Variants in LHFPL6 observed in about 807,000 individuals in gnomAD.
The protein encoded by LHFPL6 is LHFPL tetraspan subfamily member 6 protein.
In LHFPL6, 9 loss-of-function variants were observed where a neutral mutation model predicts 20.6. That is an observed-to-expected ratio of 0.44 (90% CI 0.26 to 0.76). The LOEUF is 0.76. LHFPL6 is among the 30% of genes least tolerant of loss of function. LHFPL6 has a pLI of 0.20. For synonymous variants in LHFPL6, 105 were observed against 98.7 expected, an observed-to-expected ratio of 1.06 and a Z score of -0.38; for missense variants, 218 against 253.5, an observed-to-expected ratio of 0.86 and a Z score of 0.95.
chr13:39,395,589 C>T (rs1048622223), intron 2 of LHFPL6, among the ~76,000 whole-genome samples: 4 of 152,152 alleles, frequency 2.6e-5, no homozygotes, highest in African/African-American at 4.8e-5. Context: ...TCACTCCGGG[C>T]GGGAGGTGCC....
At chr13:39,363,469 C>A (rs536926355) in intron 3 of LHFPL6, among the ~76,000 whole-genome samples, 2 of 152,122 alleles carry the variant, frequency 1.3e-5, no homozygotes, top group Admixed American at 6.5e-5. Context: ...AAAGCAACCA[C>A]GGTCACCAAA....
intron 3 of LHFPL6, among the ~76,000 whole-genome samples, chr13:39,346,934 T>A (rs1293361569): frequency 1.3e-5 from 2 of 151,982 alleles, no homozygotes; most frequent in African/African-American, 4.8e-5. Context: ...GGCCATTACA[T>A]AAGCACACAG....
At chr13:39,375,194 C>T (rs1870255438) in intron 3 of LHFPL6, among the ~76,000 whole-genome samples, 1 of 152,196 alleles carries the variant, frequency 6.6e-6, no homozygotes, top group African/African-American at 2.4e-5. Flanking sequence ...CAAGGTGTGG[C>T]AGAGGCAAGC....
chr13:39,600,124 A>C (rs1566151725), intron 2 of LHFPL6, among the ~76,000 whole-genome samples: 1 of 152,242 alleles, frequency 6.6e-6, no homozygotes, highest in Non-Finnish European at 1.5e-5. Flanking sequence ...CCAAGTAAAA[A>C]TCAAACCTTT....
At chr13:39,573,822 T>C (rs948228346) in intron 2 of LHFPL6, among the ~76,000 whole-genome samples, 1 of 152,214 alleles carries the variant, frequency 6.6e-6, no homozygotes, top group African/African-American at 2.4e-5. Context: ...TAGGAAATAA[T>C]TATAAAACAT....
intron 2 of LHFPL6, among the ~76,000 whole-genome samples, chr13:39,440,961 A>G (rs140564903): frequency 2.0e-5 from 3 of 151,884 alleles, no homozygotes; most frequent in Admixed American, 1.3e-4. Flanking sequence ...TGTGCCTTTT[A>G]CCTTCTGCCA....
intron 2 of LHFPL6, among the ~76,000 whole-genome samples, chr13:39,594,689 T>A (rs1352861331): frequency 6.6e-6 from 1 of 152,224 alleles, no homozygotes; most frequent in African/African-American, 2.4e-5. Flanking sequence ...ACAGCACTAT[T>A]CACAAAAGCA....
chr13:39,428,393 A>T (rs533819441), intron 2 of LHFPL6, among the ~76,000 whole-genome samples: 25 of 152,186 alleles, frequency 1.6e-4, no homozygotes, highest in Non-Finnish European at 3.7e-4. Context: ...TTTAAAATAG[A>T]TATAGAATTA....
rs542256671 is a variant in LHFPL6 at position 39,601,263 on chromosome 13, C to T, written c.-47G>A. On this transcript the variant is annotated 5_prime_UTR_variant, in exon 2 of 4. Coordinates refer to ENST00000379589, the MANE Select transcript of LHFPL6 (RefSeq NM_005780.3). Reference sequence around the variant, plus strand: ...AGGACCCCAAGTAAGTGTTCAGGGACTGCAGGAGTGAATGAAGGTGTGAAA... The same window carrying T: ...AGGACCCCAAGTAAGTGTTCAGGGATTGCAGGAGTGAATGAAGGTGTGAAA... 1.3e-6 allele frequency: 2 copies of T among 1,544,090 alleles called. No homozygotes were observed. The highest frequency in any genetic ancestry group is 4.5e-5 in the East Asian group (2 of 44,260).
rs2138398923 is a variant in LHFPL6 at position 39,424,576 on chromosome 13, A to T, written c.386-46050T>A. Among the ~76,000 whole-genome samples, 4 of 152,228 alleles carry T rather than the reference A, an allele frequency of 2.6e-5. No individual in the cohort carries two copies. In the Middle Eastern group the frequency reaches 0.014, roughly 518 times the overall value. Reference sequence around the variant, plus strand: ...AAGTGGAGCTACAGAAAAATTTATCACCTGTTTATGTGCCAGTCCACAGTC... The same window carrying T: ...AAGTGGAGCTACAGAAAAATTTATCTCCTGTTTATGTGCCAGTCCACAGTC... On this transcript the variant is annotated intron_variant, in intron 2 of 3. Transcript: ENST00000379589.
rs574769258 is a variant in LHFPL6 at position 39,511,321 on chromosome 13, C to T, written c.385+89511G>A. 2.0e-5 allele frequency among the ~76,000 whole-genome samples: 3 copies of T among 152,196 alleles called. No homozygotes were observed. The South Asian group carries it at 6.2e-4, about 32-fold the overall frequency. ...TTTCTTAAAGTAATACAATATTATA[C>T]ATACAGTCATTTTTGGCTAAAAAAT... is the stretch of plus-strand genomic sequence containing the variant. On this transcript the variant is annotated intron_variant, in intron 2 of 3. Transcript: ENST00000379589.
At chr13:39,480,700 G>T (rs1171931979) in intron 2 of LHFPL6, among the ~76,000 whole-genome samples, 1 of 152,152 alleles carries the variant, frequency 6.6e-6, no homozygotes, top group Admixed American at 6.5e-5. Flanking sequence ...GAAGTAGTAA[G>T]TCAAGGCAGA....
intron 2 of LHFPL6, among the ~76,000 whole-genome samples, chr13:39,441,137 ATTT>A (rs57695621): frequency 0.029 from 2,693 of 91,352 alleles, 92 homozygotes; most frequent in East Asian, 0.24. Context: ...ATGCCAACTA[ATTT>A]TTTTTTTTTT....
At chr13:39,362,438 G>A (rs537213792) in intron 3 of LHFPL6, among the ~76,000 whole-genome samples, 1 of 152,188 alleles carries the variant, frequency 6.6e-6, no homozygotes, top group African/African-American at 2.4e-5. Context: ...AAATTACCCA[G>A]TCTCAGGTAG....
intron 2 of LHFPL6, among the ~76,000 whole-genome samples, chr13:39,500,441 T>C (rs887392042): frequency 2.6e-5 from 4 of 152,130 alleles, no homozygotes; most frequent in Admixed American, 1.3e-4. Context: ...TGTGTAGAGA[T>C]GAGGTCTCTC....
At chr13:39,385,889 A>G (rs144178011) in intron 2 of LHFPL6, among the ~76,000 whole-genome samples, 130 of 152,274 alleles carry the variant, frequency 8.5e-4, no homozygotes, top group African/African-American at 3.0e-3. Context: ...AAGTTTTTTT[A>G]ATGTGATCTC....
intron 2 of LHFPL6, among the ~76,000 whole-genome samples, chr13:39,529,630 G>T (rs7317222): frequency 0.053 from 8,036 of 152,232 alleles, 512 homozygotes; most frequent in African/African-American, 0.15. Context: ...AATAAACTTT[G>T]TTGGGCTGAT....
intron 3 of LHFPL6, among the ~76,000 whole-genome samples, chr13:39,374,864 A>T (rs1870246716): frequency 6.6e-6 from 1 of 152,220 alleles, no homozygotes; most frequent in Admixed American, 6.5e-5. Context: ...CTGATGCCAC[A>T]TCCCCAGCAC....
chr13:39,576,828 A>T (rs905039005), intron 2 of LHFPL6, among the ~76,000 whole-genome samples: 2 of 152,098 alleles, frequency 1.3e-5, no homozygotes, highest in Admixed American at 1.3e-4. Context: ...TCTAGAGACA[A>T]TGTCTCATTA....
Sources: gnomAD v4.1 joint callset for allele counts (sites outside exome capture counted in the v4.1 genomes callset) on GRCh38, gnomAD v4.1.1 for gene constraint, MANE v1.5 for transcripts, NCBI Gene and HGNC (gene_info 2026-07-23, HGNC 2026-07-21) for gene names.